Variants in CSMD1 observed in about 807,000 individuals in gnomAD.
CSMD1 encodes CUB and sushi domain-containing protein 1.
CSMD1 carries 213 observed loss-of-function variants against 417.5 expected under a neutral mutation model. The ratio of observed to expected loss-of-function variants is 0.51; its 90% CI spans 0.46 to 0.57. CSMD1 has a LOEUF of 0.57. Among genes scored for constraint, CSMD1 ranks in the 20% least tolerant of loss-of-function variants. The probability of loss-of-function intolerance (pLI) is 0.00; values close to 1 mark genes in which losing one functional copy is unlikely to be tolerated. For synonymous variants in CSMD1, 2,862 were observed against 1,736.8 expected (o/e 1.65, Z -16.11); for missense variants, 6,923 against 4,529.7 (o/e 1.53, Z -15.17).
chr8:4,515,750 C>T (rs1192644584), intron 2 of CSMD1, among the ~76,000 whole-genome samples: 2 of 152,094 alleles, frequency 1.3e-5, no homozygotes, highest in East Asian at 1.9e-4. Flanking sequence ...GTAGTCTGGA[C>T]GTGCTCTGCA....
At chr8:3,296,538 G>T (rs1464917449) in intron 25 of CSMD1, among the ~76,000 whole-genome samples, 1 of 152,146 alleles carries the variant, frequency 6.6e-6, no homozygotes, top group African/African-American at 2.4e-5. Context: ...TAAAGAACTG[G>T]CCGTGCTTGC....
intron 1 of CSMD1, among the ~76,000 whole-genome samples, chr8:4,794,421 A>C (rs1243816856): frequency 6.6e-6 from 1 of 152,162 alleles, no homozygotes; most frequent in East Asian, 1.9e-4. Context: ...TAATTATCTT[A>C]TTTATGACAG....
chr8:3,208,862 G>C (rs1234879531), intron 30 of CSMD1, among the ~76,000 whole-genome samples: 1 of 152,166 alleles, frequency 6.6e-6, no homozygotes, highest in African/African-American at 2.4e-5. Context: ...AAGTTCTTCA[G>C]TTTTGGGACT....
At chr8:2,976,208 G>C (rs1804909148) in intron 55 of CSMD1, among the ~76,000 whole-genome samples, 2 of 149,252 alleles carry the variant, frequency 1.3e-5, no homozygotes. Context: ...GAATGTGAGG[G>C]AAACTCACTT....
chr8:4,109,707 C>A (rs1486320273), intron 3 of CSMD1, among the ~76,000 whole-genome samples: 1 of 152,050 alleles, frequency 6.6e-6, no homozygotes, highest in Non-Finnish European at 1.5e-5. Context: ...GCATATGATG[C>A]TATGAAAAAT....
intron 26 of CSMD1, among the ~76,000 whole-genome samples, chr8:3,262,702 C>T (rs1217271195): frequency 3.3e-5 from 5 of 151,982 alleles, no homozygotes; most frequent in South Asian, 2.1e-4. Context: ...TGTAATCTGC[C>T]CCTCGAGAGT....
intron 3 of CSMD1, among the ~76,000 whole-genome samples, chr8:4,130,514 C>G (rs1464425027): frequency 6.6e-6 from 1 of 152,118 alleles, no homozygotes; most frequent in Non-Finnish European, 1.5e-5. Context: ...TCTTGGCTTT[C>G]TGAAGTTTTG....
intron 6 of CSMD1, among the ~76,000 whole-genome samples, chr8:3,717,166 C>T (rs943923290): frequency 2.0e-5 from 3 of 151,970 alleles, no homozygotes; most frequent in East Asian, 1.9e-4. Context: ...TTATTTTCGT[C>T]GATAATTATT....
At chr8:4,466,908 G>C (rs186319490) in intron 2 of CSMD1, among the ~76,000 whole-genome samples, 3 of 151,902 alleles carry the variant, frequency 2.0e-5, no homozygotes, top group Non-Finnish European at 4.4e-5. Context: ...AAATTTTACA[G>C]TGTGTTTTTA....
intron 3 of CSMD1, among the ~76,000 whole-genome samples, chr8:4,098,258 T>C (rs1448169518): frequency 1.3e-5 from 2 of 152,168 alleles, no homozygotes; most frequent in African/African-American, 4.8e-5. Flanking sequence ...ACAATGTACT[T>C]CAGATGTAAT....
At chr8:3,900,906 T>G (rs1807704793) in intron 5 of CSMD1, among the ~76,000 whole-genome samples, 1 of 152,222 alleles carries the variant, frequency 6.6e-6, no homozygotes. Context: ...ATCTGAGTCC[T>G]CGTGCATCCA....
chr8:4,278,097 C>T (rs985252831), intron 3 of CSMD1, among the ~76,000 whole-genome samples: 10 of 152,128 alleles, frequency 6.6e-5, no homozygotes, highest in Non-Finnish European at 1.2e-4. Flanking sequence ...TTTATAAAAT[C>T]CTTTATGGTT....
chr8:3,346,938 C>T (rs1162487446), intron 22 of CSMD1, among the ~76,000 whole-genome samples: 1 of 152,218 alleles, frequency 6.6e-6, no homozygotes, highest in Non-Finnish European at 1.5e-5. Context: ...CTAAATTGCT[C>T]ACCTCGCTGA....
intron 1 of CSMD1, among the ~76,000 whole-genome samples, chr8:4,701,426 C>T (rs772362704): frequency 5.3e-5 from 8 of 151,870 alleles, no homozygotes; most frequent in African/African-American, 1.2e-4. Context: ...TGTGCCTGAA[C>T]CACAGCTGGA....
intron 3 of CSMD1, among the ~76,000 whole-genome samples, chr8:4,242,634 T>G (rs1275870608): frequency 6.6e-6 from 1 of 152,188 alleles, no homozygotes; most frequent in African/African-American, 2.4e-5. Context: ...GAGGCATCTT[T>G]GTGTGTTTGG....
intron 3 of CSMD1, among the ~76,000 whole-genome samples, chr8:4,236,191 T>C (rs1802048505): frequency 6.6e-6 from 1 of 151,960 alleles, no homozygotes. Flanking sequence ...GGACAACACA[T>C]GATGTACGTC....
intron 3 of CSMD1, among the ~76,000 whole-genome samples, chr8:4,273,425 A>G (rs1411419422): frequency 2.0e-5 from 3 of 152,128 alleles, no homozygotes; most frequent in Non-Finnish European, 4.4e-5. Context: ...CAGGTCAATT[A>G]TACTTTTTTA....
chr8:4,614,613 G>A (rs921070274), intron 2 of CSMD1, among the ~76,000 whole-genome samples: 2 of 151,974 alleles, frequency 1.3e-5, no homozygotes, highest in African/African-American at 2.4e-5. Flanking sequence ...CGCTGAGTAT[G>A]ACCACACACA....
intron 3 of CSMD1, among the ~76,000 whole-genome samples, chr8:4,319,946 G>A (rs1223599283): frequency 6.6e-6 from 1 of 152,060 alleles, no homozygotes; most frequent in South Asian, 2.1e-4. Context: ...CTTGCACAAG[G>A]CCAATGTTTG....
Sources: allele counts gnomAD v4.1 joint callset (sites outside exome capture counted in the v4.1 genomes callset), GRCh38; gene constraint gnomAD v4.1.1; transcripts MANE v1.5; gene names NCBI Gene and HGNC (gene_info 2026-07-23, HGNC 2026-07-21).